Variants in TEX15 observed in about 807,000 individuals in gnomAD.
TEX15 encodes testis-expressed protein 15.
Under a neutral mutation model 237.3 loss-of-function variants are expected in TEX15, and 171 were observed. The observed-to-expected ratio is 0.72, with a 90% CI of 0.64 to 0.82. The LOEUF (loss-of-function observed/expected upper bound fraction) is 0.82, where lower values mean the gene tolerates loss of function less well. TEX15 is among the 40% of genes least tolerant of loss of function. TEX15 has a pLI of 0.00. For missense variants in TEX15, 3,750 were observed against 3,646.5 expected, an observed-to-expected ratio of 1.03 and a Z score of -0.73; for synonymous variants, 1,338 against 1,269.8, an observed-to-expected ratio of 1.05 and a Z score of -1.14.
rs1585278201 is a variant in TEX15 at position 30,837,979 on chromosome 8, T to C, written c.8305A>G (p.Lys2769Glu). 1 of 1,614,140 alleles carries C rather than the reference T, an allele frequency of 6.2e-7. No individual in the cohort carries two copies. The highest frequency in any genetic ancestry group is 2.2e-5 in the East Asian group (1 of 44,870). ...DSLKRNHLTP[K>E]KVEMQRSLPG... ...AGTGATCTTTGCATTTCAACCTTTT[T>C]TGGCGTTAAATGATTTCTTTTCAGA... The change falls in exon 10 of 11, where the codon AAA becomes GAA. Residue 2769 changes from lysine to glutamate, a missense_variant. Physicochemically the swap from Lys to Glu is moderately conservative, Grantham distance 56 (BLOSUM62 1). Coordinates refer to ENST00000643185, the MANE Select transcript of TEX15 (RefSeq NM_001350162.2).
intron 2 of TEX15, among the ~76,000 whole-genome samples, chr8:30,895,795 C>T (rs955534016): frequency 1.0e-4 from 15 of 150,060 alleles, no homozygotes; most frequent in Non-Finnish European, 1.3e-4. Flanking sequence ...ATTCCCCTGC[C>T]TCAGCCTCCC....
At chr8:30,853,768 T>C (rs1235059018) in intron 7 of TEX15, among the ~76,000 whole-genome samples, 1 of 152,102 alleles carries the variant, frequency 6.6e-6, no homozygotes, top group Non-Finnish European at 1.5e-5. Flanking sequence ...TGCTAGGTTA[T>C]ACAACAAACC....
Position 30,837,844 on chromosome 8 carries a change from T to A in TEX15, c.8440A>T (p.Asn2814Tyr). 6.2e-7 allele frequency: 1 copy of A among 1,614,128 alleles called. No homozygotes were observed. The highest frequency in any genetic ancestry group is 8.5e-7 in the Non-Finnish European group (1 of 1,180,018). ...SSDHFSGQQENLNSMKKRNVN... is the reference protein window; with the variant it reads ...SSDHFSGQQEYLNSMKKRNVN... ...TTTCTTTTCTTCATGCTATTTAAAT[T>A]TTCCTGTTGTCCACTGAAGTGATCA... Residue 2814 changes from asparagine (N) to tyrosine (Y), a missense_variant, in exon 10 of 11, where the codon AAT becomes TAT. By Grantham distance (143) the Asn-to-Tyr change is moderately radical. Coordinates refer to ENST00000643185, the MANE Select transcript of TEX15 (RefSeq NM_001350162.2).
intron 3 of TEX15, among the ~76,000 whole-genome samples, chr8:30,883,638 G>A (rs1445121839): frequency 6.6e-6 from 1 of 152,116 alleles, no homozygotes; most frequent in Admixed American, 6.5e-5. Flanking sequence ...TGCAGAGGAT[G>A]ATGGCTTCCA....
chr8:30,856,153 C>T (rs190503633), intron 7 of TEX15, among the ~76,000 whole-genome samples: 2 of 150,610 alleles, frequency 1.3e-5, no homozygotes, highest in African/African-American at 2.4e-5. Flanking sequence ...ACCTTGTTGG[C>T]CAGGCTGGTC....
Position 30,845,979 on chromosome 8 carries a change from T to C in TEX15, c.4188A>G (p.Thr1396=), listed in dbSNP as rs201665635. ...HLKKAHRRVH[T]SLQLITKVGE... ...CTACTTTAGTTATAAGCTGCAAAGA[T>C]GTGTGAACTCTTCTATGAGCTTTTT... Residue 1396 remains threonine, a synonymous_variant, in exon 8 of 11, where the codon ACA becomes ACG. Transcript: ENST00000643185. The C allele has an allele frequency of 4.6e-5, 75 of 1,613,026 alleles. No homozygotes were observed. The highest frequency in any genetic ancestry group is 5.6e-5 in the Non-Finnish European group (66 of 1,179,544).
Position 30,843,224 on chromosome 8 carries a change from A to G in TEX15, c.6943T>C (p.Tyr2315His), listed in dbSNP as rs772911478. The change falls in exon 8 of 11, where the codon TAT becomes CAT. Residue 2315 changes from tyrosine to histidine, a missense_variant. By Grantham distance (83) the Tyr-to-His change is moderately conservative (BLOSUM62 2). Transcript: ENST00000643185. ...TTTAAATCTTTAGACAAAGTATCAT[A>G]TATCTTCTGCAACTTAGAAAAGGCA... ...KCAFSKLQKI[Y>H]DTLSKDLNNE... The G allele has an allele frequency of 7.4e-6, 12 of 1,613,380 alleles. No homozygotes were observed. The highest frequency in any genetic ancestry group is 9.3e-6 in the Non-Finnish European group (11 of 1,179,690).
chr8:30,854,873 C>CA (rs1217625541), intron 7 of TEX15, among the ~76,000 whole-genome samples: 1 of 151,892 alleles, frequency 6.6e-6, no homozygotes, highest in Non-Finnish European at 1.5e-5. Flanking sequence ...AAAACAACAA[C>CA]AAAAAAAGTC....
At position 30,843,691 on chromosome 8, in the gene TEX15, T is replaced by C. The variant is rs1331328924; in HGVS notation, c.6476A>G (p.Glu2159Gly). The C allele has an allele frequency of 6.2e-7, 1 of 1,612,360 alleles. No individual in the cohort carries two copies. The highest frequency in any genetic ancestry group is 1.1e-5 in the South Asian group (1 of 90,784). The part of the protein sequence containing the change: ...LVELLEETKR[E>G]KNSYYVFLKY... ...TAAGAATACATAGTATGAATTCTTT[T>C]CCCTTTTTGTTTCTTCAAGCAATTC... The change falls in exon 8 of 11, where the codon GAA (glutamate) becomes GGA (glycine). Residue 2159 changes from glutamate to glycine, a missense_variant. Transcript: ENST00000643185.
chr8:30,849,261 T>C lies in TEX15; in HGVS notation c.906A>G (p.Lys302=). The part of the protein sequence containing the change: ...CTVAKRFGKG[K]DATVTFVHFK... ...AATGCACAAAGGTGACAGTAGCATC[T>C]TTTCCTTTTCCAAATCTTTTGGCCA... The change falls in exon 8 of 11, where the codon AAA becomes AAG. Residue 302 remains lysine, a synonymous_variant. Transcript: ENST00000643185. 1 of 1,535,112 alleles carries C rather than the reference T, an allele frequency of 6.5e-7. No homozygotes were observed. The highest frequency in any genetic ancestry group is 8.7e-7 in the Non-Finnish European group (1 of 1,146,616).
rs145488415 is a variant in TEX15 at position 30,843,196 on chromosome 8, T to C, written c.6971A>G (p.Asn2324Ser). The C allele has an allele frequency of 4.2e-5, 68 of 1,613,434 alleles. No individual in the cohort carries two copies. Among genetic ancestry groups the C allele is most frequent in the Admixed American group, 8.3e-5 (5 of 59,972 alleles). Residue 2324 changes from asparagine (N) to serine (S), a missense_variant, in exon 8 of 11, where the codon AAT (asparagine) becomes AGT (serine). Coordinates refer to ENST00000643185, the MANE Select transcript of TEX15 (RefSeq NM_001350162.2). ...IYDTLSKDLN[N>S]EPISPIGLEE... ...AAGCCCAATAGGGGAAATTGGTTCATTGTTTAAATCTTTAGACAAAGTATC... is the reference window on the plus strand; with the variant it reads ...AAGCCCAATAGGGGAAATTGGTTCACTGTTTAAATCTTTAGACAAAGTATC...
At position 30,845,380 on chromosome 8, in the gene TEX15, T is replaced by C; in HGVS notation, c.4787A>G (p.Asn1596Ser). Residue 1596 changes from asparagine (N) to serine (S), a missense_variant, in exon 8 of 11, where the codon AAT becomes AGT. Physicochemically the swap from Asn to Ser is conservative, Grantham distance 46. Coordinates refer to ENST00000643185, the MANE Select transcript of TEX15 (RefSeq NM_001350162.2). Reference protein sequence around the residue: ...EKLEKHSANHNVKDATKENSC... With the variant: ...EKLEKHSANHSVKDATKENSC... ...GTTTTCTTTAGTTGCATCTTTAACA[T>C]TATGATTTGCTGAATGTTTTTCAAG... is the stretch of plus-strand genomic sequence containing the variant. The C allele has an allele frequency of 1.2e-6, 2 of 1,611,478 alleles. No homozygotes were observed. The highest frequency in any genetic ancestry group is 1.7e-6 in the Non-Finnish European group (2 of 1,178,292).
At position 30,846,964 on chromosome 8, in the gene TEX15, C is replaced by A; in HGVS notation, c.3203G>T (p.Cys1068Phe). ...ESEIEIELED[C>F]DDAFIFQQDT... The stretch of plus-strand genomic sequence containing the variant: ...TTGTTGAAATATAAAAGCATCATCA[C>A]AATCTTCTAATTCTATTTCAATTTC... The change falls in exon 8 of 11, where the codon TGT becomes TTT. Residue 1068 changes from cysteine to phenylalanine, a missense_variant. Coordinates refer to ENST00000643185, the MANE Select transcript of TEX15 (RefSeq NM_001350162.2). 1 of 1,613,686 alleles carries A rather than the reference C, an allele frequency of 6.2e-7. No individual in the cohort carries two copies. The highest frequency in any genetic ancestry group is 8.5e-7 in the Non-Finnish European group (1 of 1,179,692).
chr8:30,893,591 A>G (rs1408104426), intron 2 of TEX15, among the ~76,000 whole-genome samples: 1 of 152,222 alleles, frequency 6.6e-6, no homozygotes, highest in Non-Finnish European at 1.5e-5. Context: ...GATAAATTCT[A>G]TTCTTTAGTA....
At chr8:30,862,329 T>C (rs963200898) in intron 5 of TEX15, among the ~76,000 whole-genome samples, 3 of 152,150 alleles carry the variant, frequency 2.0e-5, no homozygotes, top group Non-Finnish European at 2.9e-5. Flanking sequence ...TACAGTGTAA[T>C]ATTATGCAGC....
intron 1 of TEX15, among the ~76,000 whole-genome samples, chr8:30,904,810 T>C (rs1809067712): frequency 6.6e-6 from 1 of 152,188 alleles, no homozygotes. Flanking sequence ...AAAACATAGC[T>C]GCTGACCATT....
At chr8:30,867,574 C>A in intron 4 of TEX15, 72 bp from the exon 5 acceptor site, 1 of 832,080 alleles carries the variant, frequency 1.2e-6, no homozygotes, top group Non-Finnish European at 1.9e-6. Context: ...TACATATTTC[C>A]ACTTACCACA....
intron 5 of TEX15, among the ~76,000 whole-genome samples, chr8:30,864,903 T>C (rs539430269): frequency 6.6e-6 from 1 of 152,210 alleles, no homozygotes; most frequent in African/African-American, 2.4e-5. Flanking sequence ...AAAGTTAAAC[T>C]GTATCAGTTT....
At position 30,887,246 on chromosome 8, in the gene TEX15, GC is replaced by G; in HGVS notation, c.56del (p.Ser19ThrfsTer5). 1 of 1,535,864 alleles carries G rather than the reference GC, an allele frequency of 6.5e-7. No homozygotes were observed. Among genetic ancestry groups the G allele is most frequent in the Non-Finnish European group, 8.7e-7 (1 of 1,146,770 alleles). ...CTTCACGAGTATTCAACACGGGTTT[GC>G]TAGTTGAGCTCATTTGCCACAGTGT... ...QDTLWQMSSTSKPVLNTREVN... is the reference protein window; with the variant it reads ...QDTLWQMSSTXKPVLNTREVN... On this transcript the variant is annotated frameshift_variant, in exon 3 of 11. Transcript: ENST00000643185. LOFTEE classifies it high-confidence loss of function.
Sources: gnomAD v4.1 joint callset for allele counts (sites outside exome capture counted in the v4.1 genomes callset) on GRCh38, gnomAD v4.1.1 for gene constraint, MANE v1.5 for transcripts, NCBI Gene and HGNC (gene_info 2026-07-23, HGNC 2026-07-21) for gene names.